The following C10orf53 variants were observed in gnomAD, a reference collection of about 807,000 sequenced individuals.
The protein encoded by C10orf53 is UPF0728 protein C10orf53.
In C10orf53, 8 loss-of-function variants were observed where a neutral mutation model predicts 9.4. The observed-to-expected ratio is 0.85, with a 90% CI of 0.50 to 1.53. C10orf53 has a LOEUF of 1.53. Ranked by LOEUF, C10orf53 falls within the 40% of genes most tolerant of loss-of-function variation. The pLI, the probability that C10orf53 is intolerant of heterozygous loss-of-function variation, is 0.00. For synonymous variants in C10orf53, 48 were observed against 46.0 expected (o/e 1.04, Z -0.18); for missense variants, 117 against 117.8 (o/e 0.99, Z 0.03).
chr10:49,698,797 T>C (rs1840657612), downstream of C10orf53, among the ~76,000 whole-genome samples: 1 of 152,256 alleles, frequency 6.6e-6, no homozygotes, highest in Middle Eastern at 3.4e-3. Flanking sequence ...GACGGGGCAC[T>C]GCACTTCTCC....
chr10:49,687,735 GC>G, intron 1 of C10orf53, among the ~76,000 whole-genome samples: 1 of 152,198 alleles, frequency 6.6e-6, no homozygotes. Flanking sequence ...GGAGGTGCAG[GC>G]AACCTGGGCA....
intron 1 of C10orf53, among the ~76,000 whole-genome samples, chr10:49,681,219 G>A (rs562665899): frequency 1.3e-5 from 2 of 152,286 alleles, no homozygotes; most frequent in East Asian, 3.9e-4. Context: ...TGTTGTTCTG[G>A]AGTTCAGAGA....
chr10:49,699,184 C>T (rs1840660981), downstream of C10orf53, among the ~76,000 whole-genome samples: 1 of 101,746 alleles, frequency 9.8e-6, no homozygotes, highest in Non-Finnish European at 2.0e-5. Flanking sequence ...GTTTTGGTGG[C>T]TCAATCTTTT....
At chr10:49,702,214 AG>A, downstream of C10orf53, among the ~76,000 whole-genome samples, 2 of 40,966 alleles carry the variant, frequency 4.9e-5, no homozygotes, top group Non-Finnish European at 1.3e-4. Context: ...AACAAAGAAA[AG>A]GAAGGAAGGA....
intron 1 of C10orf53, among the ~76,000 whole-genome samples, chr10:49,689,940 A>G (rs1840566195): frequency 6.6e-6 from 1 of 152,248 alleles, no homozygotes; most frequent in African/African-American, 2.4e-5. Context: ...TTTACCATCA[A>G]AAGTATTTTA....
downstream of C10orf53, among the ~76,000 whole-genome samples, chr10:49,700,361 A>T (rs1272517823): frequency 3.3e-5 from 5 of 152,196 alleles, no homozygotes; most frequent in Non-Finnish European, 5.9e-5. Context: ...CCCTGTAGGT[A>T]GCGGTGGGCA....
chr10:49,689,498 T>C (rs1840561502), intron 1 of C10orf53, among the ~76,000 whole-genome samples: 1 of 152,174 alleles, frequency 6.6e-6, no homozygotes, highest in Non-Finnish European at 1.5e-5. Flanking sequence ...AATCCAGCTG[T>C]TCCATTTCTC....
chr10:49,702,071 C>T (rs1049023654), downstream of C10orf53, among the ~76,000 whole-genome samples: 2 of 152,032 alleles, frequency 1.3e-5, no homozygotes, highest in African/African-American at 4.8e-5. Context: ...GTGGTGGGCG[C>T]CTGTAATCTC....
exon 3 of C10orf53, chr10:49,708,408 C>G: frequency 1.2e-6 from 2 of 1,614,204 alleles, no homozygotes; most frequent in Non-Finnish European, 1.7e-6. Flanking sequence ...CAGCTCCAGG[C>G]TGACATTTCA....
At chr10:49,701,520 C>G (rs1221608478), downstream of C10orf53, among the ~76,000 whole-genome samples, 1 of 152,116 alleles carries the variant, frequency 6.6e-6, no homozygotes, top group Non-Finnish European at 1.5e-5. Context: ...TGACCAGTGA[C>G]CTAGACCTTA....
At chr10:49,700,312 G>C (rs55815164), downstream of C10orf53, among the ~76,000 whole-genome samples, 6,129 of 152,286 alleles carry the variant, frequency 0.04, 170 homozygotes, top group African/African-American at 0.07. Flanking sequence ...AATGCACTGA[G>C]AGAAGTGGCA....
At chr10:49,701,199 G>A (rs983756021), downstream of C10orf53, among the ~76,000 whole-genome samples, 2 of 152,100 alleles carry the variant, frequency 1.3e-5, no homozygotes, top group Non-Finnish European at 2.9e-5. Context: ...GAGGGGAGTT[G>A]AGAGAGAGGG....
chr10:49,697,062 A>G lies in C10orf53; in HGVS notation c.*2460A>G, dbSNP rs1214992252. 6.6e-6 allele frequency among the ~76,000 whole-genome samples: 1 copy of G among 152,110 alleles called. No individual in the cohort carries two copies. The highest frequency in any genetic ancestry group is 1.5e-5 in the Non-Finnish European group (1 of 68,012). ...ACAAAAATTAGCCAGGCCTGGTGGC[A>G]TGCACCTGTAGTCCCAGCTACTTGA... On this transcript the variant is annotated 3_prime_UTR_variant, in exon 3 of 3. Coordinates refer to ENST00000374111, the MANE Select transcript of C10orf53 (RefSeq NM_001042427.3).
At position 49,702,652 on chromosome 10, in the gene C10orf53, C is replaced by T. The variant is rs763556544; in HGVS notation, c.218-5709C>T. Among the ~76,000 whole-genome samples the T allele has an allele frequency of 1.7e-4, 26 of 152,322 alleles. No individual in the cohort carries two copies. In the South Asian group the frequency reaches 1.9e-3, roughly 11 times the overall value. Reference sequence around the variant, plus strand: ...CTACTCTTGGGTCTCCAGCTTTCAGCCAGCAGGTAGCAGGACTTCTCAGCC... The same window carrying T: ...CTACTCTTGGGTCTCCAGCTTTCAGTCAGCAGGTAGCAGGACTTCTCAGCC... On this transcript the variant is annotated intron_variant, in intron 2 of 2. Coordinates refer to the C10orf53 transcript ENST00000374112.
At chr10:49,686,108 G>T (rs1256762653) in intron 1 of C10orf53, among the ~76,000 whole-genome samples, 1 of 152,182 alleles carries the variant, frequency 6.6e-6, no homozygotes, top group Non-Finnish European at 1.5e-5. Context: ...TGAGGCAGAA[G>T]AACATAAATT....
chr10:49,709,406 C>G (rs1037634652), exon 3 of C10orf53: 1 of 152,248 alleles, frequency 6.6e-6, no homozygotes, highest in African/African-American at 2.4e-5. Flanking sequence ...GCAGCATGAC[C>G]ATGGGCTCCT....
At chr10:49,698,830 C>G (rs745458974), downstream of C10orf53, among the ~76,000 whole-genome samples, 6 of 152,130 alleles carry the variant, frequency 3.9e-5, no homozygotes, top group Non-Finnish European at 8.8e-5. Context: ...AGAGCACACA[C>G]CCGAGGCCTC....
intron 2 of C10orf53, among the ~76,000 whole-genome samples, chr10:49,704,401 G>A (rs746790925): frequency 6.6e-6 from 1 of 152,118 alleles, no homozygotes; most frequent in East Asian, 1.9e-4. Context: ...ATAAACAGAG[G>A]AAAATATGTT....
downstream of C10orf53, among the ~76,000 whole-genome samples, chr10:49,698,646 G>C (rs1840656186): frequency 6.6e-6 from 1 of 152,182 alleles, no homozygotes. Context: ...TGCTAGCCCA[G>C]GTCTCGGGCA....
Sources: gnomAD v4.1 joint callset for allele counts (sites outside exome capture counted in the v4.1 genomes callset) on GRCh38, gnomAD v4.1.1 for gene constraint, MANE v1.5 for transcripts, NCBI Gene and HGNC (gene_info 2026-07-23, HGNC 2026-07-21) for gene names.